ORC1: variants seen among roughly 807,000 people sequenced by gnomAD.
ORC1 encodes origin recognition complex, subunit 1 homolog.
A neutral mutation model predicts 98.9 loss-of-function variants in ORC1; 61 were observed. That is an observed-to-expected ratio of 0.62 (90% CI 0.50 to 0.76). The LOEUF (loss-of-function observed/expected upper bound fraction) is 0.76, where lower values mean the gene tolerates loss of function less well. Ranked by LOEUF, ORC1 falls within the 30% of genes least tolerant of loss-of-function variation. ORC1 has a pLI of 0.00. For synonymous variants in ORC1, 385 were observed against 406.9 expected, an observed-to-expected ratio of 0.95 and a Z score of 0.65; for missense variants, 979 against 1,072.2, an observed-to-expected ratio of 0.91 and a Z score of 1.21.
At chr1:52,392,669 T>C (rs973484309) in intron 6 of ORC1, among the ~76,000 whole-genome samples, 22 of 152,046 alleles carry the variant, frequency 1.4e-4, no homozygotes, top group African/African-American at 5.1e-4. Flanking sequence ...TAAATACCCA[T>C]CAACCAATGA....
intron 3 of ORC1, among the ~76,000 whole-genome samples, chr1:52,399,739 T>C (rs189501442): frequency 4.4e-4 from 66 of 150,702 alleles, no homozygotes; most frequent in Admixed American, 2.5e-3. Context: ...ACCCAGGAGG[T>C]TGAGGCTGCA....
At chr1:52,399,642 A>G (rs1569957539) in intron 3 of ORC1, among the ~76,000 whole-genome samples, 1 of 150,024 alleles carries the variant, frequency 6.7e-6, no homozygotes, top group African/African-American at 2.5e-5. Flanking sequence ...AAAAAAAAAA[A>G]AGAAAGAAAA....
intron 14 of ORC1, among the ~76,000 whole-genome samples, chr1:52,381,203 G>C (rs1647064951): frequency 1.3e-5 from 2 of 151,978 alleles, no homozygotes; most frequent in Admixed American, 1.3e-4. Flanking sequence ...TGCCTTGCTG[G>C]GCATGTAATA....
chr1:52,373,921 A>G (rs1236114462), intron 16 of ORC1, among the ~76,000 whole-genome samples: 1 of 152,236 alleles, frequency 6.6e-6, no homozygotes, highest in Non-Finnish European at 1.5e-5. Flanking sequence ...CTGGAAACAT[A>G]GATTCCTACC....
upstream of ORC1, chr1:52,404,637 A>C: frequency 8.2e-7 from 1 of 1,214,916 alleles, no homozygotes; most frequent in Non-Finnish European, 1.2e-6. Flanking sequence ...ATGGTCGCCT[A>C]AGCTGTTTAG....
chr1:52,373,414 C>T, intron 16 of ORC1, 39 bp from the exon 17 acceptor site: 3 of 1,555,778 alleles, frequency 1.9e-6, no homozygotes, highest in Non-Finnish European at 2.7e-6. Context: ...AGAGGAAATA[C>T]AATCCTGGGG....
At chr1:52,381,072 T>G (rs562281376) in intron 14 of ORC1, among the ~76,000 whole-genome samples, 11 of 152,324 alleles carry the variant, frequency 7.2e-5, no homozygotes, top group African/African-American at 2.4e-4. Flanking sequence ...AGGCAGACAT[T>G]TAACCCACTT....
At chr1:52,392,910 G>A (rs1189585002) in intron 6 of ORC1, among the ~76,000 whole-genome samples, 1 of 152,208 alleles carries the variant, frequency 6.6e-6, no homozygotes, top group African/African-American at 2.4e-5. Context: ...TCGGGGAAGG[G>A]TGGAAGGTGG....
At position 52,383,883 on chromosome 1, in the gene ORC1, G is replaced by C; in HGVS notation, c.1810C>G (p.Gln604Glu). 6.2e-7 allele frequency: 1 copy of C among 1,614,156 alleles called. No individual in the cohort carries two copies. The highest frequency in any genetic ancestry group is 8.5e-7 in the Non-Finnish European group (1 of 1,180,036). ...TGAGGTGACCCTCGGGTGCAGAATT[G>C]CTTTGCCAGCAGTTCTGCCGCATGG... ...ANHAAELLAK[Q>E]FCTRGSPQET... is the part of the protein sequence containing the mutation. Residue 604 changes from glutamine (Q) to glutamate (E), a missense_variant, in exon 12 of 17, where the codon CAA (glutamine) becomes GAA (glutamate). Coordinates refer to ENST00000371568, the MANE Select transcript of ORC1 (RefSeq NM_004153.4).
chr1:52,399,095 C>T (rs960423209), intron 3 of ORC1, among the ~76,000 whole-genome samples: 17 of 152,182 alleles, frequency 1.1e-4, no homozygotes, highest in African/African-American at 3.6e-4. Context: ...GACAAAAAGG[C>T]CTCTGAGAGG....
intron 6 of ORC1, among the ~76,000 whole-genome samples, chr1:52,390,938 T>A (rs1337372483): frequency 6.9e-6 from 1 of 145,800 alleles, no homozygotes; most frequent in Non-Finnish European, 1.5e-5. Context: ...AGAAACTGGA[T>A]CCTCATCTCT....
Position 52,383,586 on chromosome 1 carries a change from G to A in ORC1, c.1864-17C>T, listed in dbSNP as rs1251937039. ...AAGGTCGAGCTGCCAGGGCAAAGGAGAGAGGTGCAGAGTCAATCACAGAGA... is the reference window on the plus strand; with the variant it reads ...AAGGTCGAGCTGCCAGGGCAAAGGAAAGAGGTGCAGAGTCAATCACAGAGA... On this transcript the variant is annotated splice_polypyrimidine_tract_variant and intron_variant, in intron 12 of 16. Coordinates refer to ENST00000371568, the MANE Select transcript of ORC1 (RefSeq NM_004153.4). The A allele has an allele frequency of 1.2e-6, 2 of 1,613,904 alleles. No individual in the cohort carries two copies. The highest frequency in any genetic ancestry group is 1.7e-6 in the Non-Finnish European group (2 of 1,179,918).
rs1647170199 is a variant in ORC1 at position 52,388,347 on chromosome 1, G to A, written c.1383+95C>T. The A allele has an allele frequency of 4.0e-6, 4 of 1,007,334 alleles. No individual in the cohort carries two copies. In the East Asian group the frequency reaches 9.5e-5, roughly 24 times the overall value. 62.4% of individuals were successfully genotyped at this position (1,007,334 alleles called of 1,614,324 possible). Reference sequence around the variant, plus strand: ...ATTGAATATAACAGATCTGTCCTCAGATTCCAGCTGTTACTAATCTGTGAC... The same window carrying A: ...ATTGAATATAACAGATCTGTCCTCAAATTCCAGCTGTTACTAATCTGTGAC... On this transcript the variant is annotated intron_variant, in intron 8 of 16. Transcript: ENST00000371568.
At chr1:52,406,032 A>G (rs1373382593), upstream of ORC1, among the ~76,000 whole-genome samples, 1 of 152,312 alleles carries the variant, frequency 6.6e-6, no homozygotes, top group Non-Finnish European at 1.5e-5. Context: ...TGTGTTGCCC[A>G]GGCTGGAGTG....
In ORC1 at chr1:52,384,678, T is replaced by G. The variant is rs772240507; in HGVS notation, c.1627A>C (p.Thr543Pro). The change falls in exon 11 of 17, where the codon ACT (threonine) becomes CCT (proline). Residue 543 changes from threonine (T) to proline (P), a missense_variant. Physicochemically the swap from Thr to Pro is conservative, Grantham distance 38. Coordinates refer to ENST00000371568, the MANE Select transcript of ORC1 (RefSeq NM_004153.4). ...SGVPGTGKTA[T>P]VHEVIRCLQQ... is the part of the protein sequence containing the mutation. ...AGGCAGCGTATCACTTCATGAACAG[T>G]GGCAGTCTTCCCTGTCCCAGGGACA... is the stretch of plus-strand genomic sequence containing the variant. 3.7e-6 allele frequency: 6 copies of G among 1,613,924 alleles called. No individual in the cohort carries two copies. The highest frequency in any genetic ancestry group is 4.2e-6 in the Non-Finnish European group (5 of 1,179,968).
intron 15 of ORC1, 86 bp from the exon 16 acceptor site, chr1:52,374,983 T>G: frequency 1.2e-6 from 1 of 827,370 alleles, no homozygotes; most frequent in South Asian, 1.4e-5. Flanking sequence ...TTCTGTGTCT[T>G]TAGAAAAGAG....
chr1:52,401,336 G>A lies in ORC1; in HGVS notation c.223+26C>T, dbSNP rs753752256. ...TCCCAATCATTCATGACAAGGAATG[G>A]TTTATTATTCCAGTCCCAAACTCAC... On this transcript the variant is annotated intron_variant, in intron 3 of 16. Transcript: ENST00000371568. 4 of 1,613,604 alleles carry A rather than the reference G, an allele frequency of 2.5e-6. No individual in the cohort carries two copies. The African/African-American group carries it at 5.3e-5, about 22-fold the overall frequency.
chr1:52,381,828 ACCCTTGGGC>A, intron 13 of ORC1, 67 bp from the exon 14 acceptor site: 1 of 1,574,232 alleles, frequency 6.4e-7, no homozygotes, highest in Non-Finnish European at 8.7e-7. Flanking sequence ...GTGGAAAGTC[ACCCTTGGGC>A]CCCCAAACCC....
intron 3 of ORC1, among the ~76,000 whole-genome samples, chr1:52,399,540 C>T (rs994613875): frequency 6.7e-6 from 1 of 148,910 alleles, no homozygotes; most frequent in Admixed American, 6.8e-5. Flanking sequence ...AAGAGAATGG[C>T]TTGAACCCGG....
Sources: gnomAD v4.1 joint callset for allele counts (sites outside exome capture counted in the v4.1 genomes callset) on GRCh38, gnomAD v4.1.1 for gene constraint, MANE v1.5 for transcripts, NCBI Gene and HGNC (gene_info 2026-07-23, HGNC 2026-07-21) for gene names.